The following PTPRN2 variants were observed in gnomAD, a reference collection of about 807,000 sequenced individuals.
The protein encoded by PTPRN2 is protein tyrosine phosphatase receptor type N2.
A neutral mutation model predicts 118.8 loss-of-function variants in PTPRN2; 74 were observed. The observed-to-expected ratio is 0.62, with a 90% CI of 0.52 to 0.76. The LOEUF (loss-of-function observed/expected upper bound fraction) is 0.76. PTPRN2 is among the 30% of genes least tolerant of loss of function. PTPRN2 has a pLI of 0.00. For missense variants in PTPRN2, 1,481 were observed against 1,394.4 expected, an observed-to-expected ratio of 1.06 and a Z score of -0.99; for synonymous variants, 641 against 608.0, an observed-to-expected ratio of 1.05 and a Z score of -0.80.
At chr7:158,340,220 C>G (rs1220923403) in intron 2 of PTPRN2, among the ~76,000 whole-genome samples, 1 of 89,298 alleles carries the variant, frequency 1.1e-5, no homozygotes, top group Non-Finnish European at 2.5e-5. Context: ...GAGCTGATGC[C>G]GGCACACGTC....
rs113718852 is a variant in PTPRN2 at position 157,831,367 on chromosome 7, G to A, written c.1788+67306C>T. ...TATCCTGTAGTCTAAGCCTTCTCTC[G>A]TTGGGGTTTTCTGTTATTTCTTCCC... On this transcript the variant is annotated intron_variant, in intron 12 of 22. Coordinates refer to ENST00000389418, the MANE Select transcript of PTPRN2 (RefSeq NM_002847.5). This position sits in a 1 kb window ranked among gnomAD's most constrained non-coding sequence, Gnocchi z 4.8. Among the ~76,000 whole-genome samples, 21 of 152,322 alleles carry A rather than the reference G, an allele frequency of 1.4e-4. No homozygotes were observed. The highest frequency in any genetic ancestry group is 2.2e-4 in the Non-Finnish European group (15 of 68,018).
chr7:158,413,303 G>A (rs995599891), intron 2 of PTPRN2, among the ~76,000 whole-genome samples: 1 of 152,232 alleles, frequency 6.6e-6, no homozygotes, highest in African/African-American at 2.4e-5. Context: ...ATAAGTCGTA[G>A]GGGCTCACGA....
At chr7:158,398,565 G>T (rs540567704) in intron 2 of PTPRN2, among the ~76,000 whole-genome samples, 2 of 152,184 alleles carry the variant, frequency 1.3e-5, no homozygotes, top group Non-Finnish European at 2.9e-5. Context: ...TTATTTTAGG[G>T]TTTATTTTTA....
At chr7:158,413,202 G>A (rs111690094) in intron 2 of PTPRN2, among the ~76,000 whole-genome samples, 3,479 of 152,310 alleles carry the variant, frequency 0.023, 149 homozygotes, top group African/African-American at 0.078. Flanking sequence ...ATGCAAGCTC[G>A]TTCCAGACCC....
At chr7:158,337,451 TCACTCAAACCCACA>T (rs1167015683) in intron 2 of PTPRN2, among the ~76,000 whole-genome samples, 7 of 144,306 alleles carry the variant, frequency 4.9e-5, no homozygotes, top group African/African-American at 1.6e-4. Context: ...CCCACAGACG[TCACTCAAACCCACA>T]CTCTCACCAT....
At chr7:158,373,002 G>A (rs369027635) in intron 2 of PTPRN2, among the ~76,000 whole-genome samples, 79 of 152,238 alleles carry the variant, frequency 5.2e-4, no homozygotes, top group African/African-American at 1.6e-3. Context: ...ACTGAGCAGG[G>A]CCACTACAGG....
chr7:157,984,094 A>G (rs1404261011), intron 11 of PTPRN2, among the ~76,000 whole-genome samples: 2 of 152,112 alleles, frequency 1.3e-5, no homozygotes, highest in African/African-American at 4.8e-5. Flanking sequence ...TTCATTAGCC[A>G]TGGAGACAGC....
chr7:157,995,672 G>A (rs1388870390), intron 11 of PTPRN2, among the ~76,000 whole-genome samples: 1 of 152,254 alleles, frequency 6.6e-6, no homozygotes, highest in Non-Finnish European at 1.5e-5. Flanking sequence ...AAGGGCATGG[G>A]CAGCCTGCTT....
intron 11 of PTPRN2, among the ~76,000 whole-genome samples, chr7:157,982,630 C>T (rs1314294084): frequency 4.0e-5 from 5 of 126,300 alleles, no homozygotes; most frequent in South Asian, 2.8e-4. Flanking sequence ...CCCCGAGTCA[C>T]AGAGACGAGG....
intron 11 of PTPRN2, among the ~76,000 whole-genome samples, chr7:157,933,461 T>C (rs1355666437): frequency 6.8e-6 from 1 of 146,078 alleles, no homozygotes; most frequent in Non-Finnish European, 1.5e-5. Flanking sequence ...GGTGAGTCAC[T>C]CTGATTGACA....
intron 13 of PTPRN2, among the ~76,000 whole-genome samples, chr7:157,663,932 G>A (rs1415994297): frequency 6.6e-6 from 1 of 152,216 alleles, no homozygotes; most frequent in African/African-American, 2.4e-5. Context: ...CTTAGTAATG[G>A]TTTAGCCAGT....
chr7:158,257,918 C>T (rs977925215), intron 3 of PTPRN2, among the ~76,000 whole-genome samples: 2 of 152,228 alleles, frequency 1.3e-5, no homozygotes, highest in Non-Finnish European at 2.9e-5. Context: ...AGCAGCTCTT[C>T]CTCTGAGCGC....
intron 12 of PTPRN2, among the ~76,000 whole-genome samples, chr7:157,841,500 C>T (rs999880450): frequency 3.3e-5 from 5 of 152,208 alleles, no homozygotes; most frequent in Middle Eastern, 3.2e-3. Context: ...GAAAAGCTCC[C>T]CCAAAGGAAC....
At chr7:158,233,793 A>G (rs763540345) in intron 3 of PTPRN2, among the ~76,000 whole-genome samples, 3 of 152,244 alleles carry the variant, frequency 2.0e-5, no homozygotes, top group African/African-American at 7.2e-5. Context: ...ATGGAACAGA[A>G]TAGAGAATCC....
chr7:158,409,361 T>C (rs921934986), intron 2 of PTPRN2, among the ~76,000 whole-genome samples: 4 of 152,148 alleles, frequency 2.6e-5, no homozygotes, highest in African/African-American at 9.7e-5. Context: ...TGGGCAGTCC[T>C]CAGCTTAGGA....
chr7:157,828,253 G>T (rs1188566434), intron 12 of PTPRN2, among the ~76,000 whole-genome samples: 1 of 152,186 alleles, frequency 6.6e-6, no homozygotes, highest in Non-Finnish European at 1.5e-5. Context: ...AACCTGTCCG[G>T]ATGCCCCTGC....
At chr7:158,347,477 C>T (rs1380222215) in intron 2 of PTPRN2, among the ~76,000 whole-genome samples, 1 of 152,106 alleles carries the variant, frequency 6.6e-6, no homozygotes, top group Non-Finnish European at 1.5e-5. Context: ...TTTGTTGTTG[C>T]CAGTACCACG....
At position 157,963,562 on chromosome 7, in the gene PTPRN2, C is replaced by T. The variant is rs372973818; in HGVS notation, c.1724-64825G>A. Among the ~76,000 whole-genome samples, 218 of 152,370 alleles carry T rather than the reference C, an allele frequency of 1.4e-3. 7 individuals are homozygous for T. The South Asian group carries it at 0.041, about 29-fold the overall frequency. On this transcript the variant is annotated intron_variant, in intron 11 of 22. Transcript: ENST00000389418. ...TCAGCTTGGATGTAATTACTTCACA[C>T]GTTCTCTGAGAATGTGTTCCACACA...
chr7:157,983,678 A>G (rs1413016769), intron 11 of PTPRN2, among the ~76,000 whole-genome samples: 3 of 152,108 alleles, frequency 2.0e-5, no homozygotes, highest in African/African-American at 4.8e-5. Context: ...GTGTGTGTGC[A>G]CACGTGAGCT....
Sources: allele counts gnomAD v4.1 joint callset (sites outside exome capture counted in the v4.1 genomes callset), GRCh38; gene constraint gnomAD v4.1.1; non-coding constraint Gnocchi (gnomAD v3.1); transcripts MANE v1.5; gene names NCBI Gene and HGNC (gene_info 2026-07-23, HGNC 2026-07-21).